ADGRL2: variants seen among roughly 807,000 people sequenced by gnomAD.
ADGRL2 encodes the protein adhesion G protein-coupled receptor L2.
Under a neutral mutation model 157.4 loss-of-function variants are expected in ADGRL2, and 44 were observed. The observed-to-expected ratio is 0.28, with a 90% CI of 0.22 to 0.36. The LOEUF is 0.36. Ranked by LOEUF, ADGRL2 falls within the 10% of genes least tolerant of loss-of-function variation. The pLI, the probability that ADGRL2 is intolerant of heterozygous loss-of-function variation, is 1.00. For synonymous variants in ADGRL2, 585 were observed against 624.7 expected (o/e 0.94, Z 0.95); for missense variants, 1,510 against 1,768.9 (o/e 0.85, Z 2.63).
At chr1:81,831,955 A>G (rs891026578) in intron 1 of ADGRL2, among the ~76,000 whole-genome samples, 7 of 151,766 alleles carry the variant, frequency 4.6e-5, no homozygotes, top group Non-Finnish European at 1.0e-4. Context: ...GAGTTATTTT[A>G]CCTCTCGGAG....
chr1:81,915,176 A>G (rs779430631), intron 3 of ADGRL2, among the ~76,000 whole-genome samples: 6 of 152,094 alleles, frequency 3.9e-5, no homozygotes, highest in Non-Finnish European at 8.8e-5. Context: ...CCCAGGCTCA[A>G]GTGATCCTCC....
intron 13 of ADGRL2, 102 bp from the exon 14 acceptor site, chr1:81,967,924 A>T: frequency 1.0e-6 from 1 of 970,318 alleles, no homozygotes; most frequent in African/African-American, 1.6e-5. Context: ...AGTCTGAAAC[A>T]TGCAAAGTTT....
chr1:81,778,791 T>C (rs2086699147), intron 2 of ADGRL2, among the ~76,000 whole-genome samples: 2 of 152,304 alleles, frequency 1.3e-5, no homozygotes, highest in Admixed American at 6.5e-5. Flanking sequence ...TTGGCAGCTA[T>C]ACCAGTCAAG....
chr1:81,878,792 C>G (rs1381628601), intron 2 of ADGRL2, among the ~76,000 whole-genome samples: 2 of 152,128 alleles, frequency 1.3e-5, no homozygotes, highest in Admixed American at 1.3e-4. Context: ...GAAATAAACA[C>G]AGTGTAATGG....
chr1:81,460,943 A>G (rs2077913962), intron 2 of ADGRL2, among the ~76,000 whole-genome samples: 1 of 152,224 alleles, frequency 6.6e-6, no homozygotes, highest in Non-Finnish European at 1.5e-5. Flanking sequence ...AAACAGCAGT[A>G]CTTATGCAGA....
chr1:81,706,193 G>A (rs914473988), intron 1 of ADGRL2, among the ~76,000 whole-genome samples: 11 of 151,230 alleles, frequency 7.3e-5, no homozygotes, highest in East Asian at 5.8e-4. Context: ...ACAAGACTCC[G>A]TTTCAAAAAA....
chr1:81,371,434 G>T (rs1026047603), intron 1 of ADGRL2, among the ~76,000 whole-genome samples: 2 of 152,162 alleles, frequency 1.3e-5, no homozygotes, highest in African/African-American at 2.4e-5. Context: ...ATGACATCTG[G>T]GTTTCCAAAA....
At chr1:81,765,756 T>C (rs1384355888) in intron 2 of ADGRL2, among the ~76,000 whole-genome samples, 1 of 152,072 alleles carries the variant, frequency 6.6e-6, no homozygotes, top group Non-Finnish European at 1.5e-5. Context: ...AAACATACTT[T>C]ATTTCTGAAA....
intron 1 of ADGRL2, among the ~76,000 whole-genome samples, chr1:81,834,489 C>T (rs1029247048): frequency 2.6e-5 from 4 of 151,998 alleles, no homozygotes; most frequent in East Asian, 1.9e-4. Context: ...ATTATTTATT[C>T]GTTCTATTCT....
chr1:81,903,546 T>C (rs1364244950), intron 2 of ADGRL2, among the ~76,000 whole-genome samples: 1 of 151,842 alleles, frequency 6.6e-6, no homozygotes, highest in Non-Finnish European at 1.5e-5. Flanking sequence ...CTCTGTAAAA[T>C]TGGTACTATA....
At chr1:81,941,160 C>T (rs1189165829) in intron 4 of ADGRL2, among the ~76,000 whole-genome samples, 1 of 125,836 alleles carries the variant, frequency 7.9e-6, no homozygotes, top group Non-Finnish European at 1.6e-5. Context: ...GCTTGCTTTT[C>T]CCTTGTATGT....
At chr1:81,714,567 AT>A (rs1297765927) in intron 1 of ADGRL2, among the ~76,000 whole-genome samples, 3 of 152,206 alleles carry the variant, frequency 2.0e-5, no homozygotes, top group Admixed American at 2.0e-4. Context: ...TTTTTGATAC[AT>A]TTTTATACAC....
At chr1:81,876,198 G>A (rs913967563) in intron 2 of ADGRL2, among the ~76,000 whole-genome samples, 2 of 152,096 alleles carry the variant, frequency 1.3e-5, no homozygotes, top group African/African-American at 2.4e-5. Context: ...AGTTTTTGAT[G>A]CCTTGTCAAA....
intron 1 of ADGRL2, among the ~76,000 whole-genome samples, chr1:81,750,403 C>G (rs2085451666): frequency 6.6e-6 from 1 of 152,104 alleles, no homozygotes; most frequent in African/African-American, 2.4e-5. Flanking sequence ...CATTGTCAGA[C>G]AAGTTGTTAC....
rs117308229 is a variant in ADGRL2 at position 81,850,466 on chromosome 1, A to G, written c.73+13409A>G. ...TTTTTCACTAAGTGAAACAAAATCTAAAAGGCATGGTGTGAAGTTCACAGA... is the reference window on the plus strand; with the variant it reads ...TTTTTCACTAAGTGAAACAAAATCTGAAAGGCATGGTGTGAAGTTCACAGA... On this transcript the variant is annotated intron_variant, in intron 2 of 23. Transcript: ENST00000686636. Among the ~76,000 whole-genome samples, 69 of 152,050 alleles carry G rather than the reference A, an allele frequency of 4.5e-4. No individual in the cohort carries two copies. The East Asian group carries it at 0.013, about 28-fold the overall frequency.
At position 81,536,976 on chromosome 1, in the gene ADGRL2, T is replaced by C. The variant is rs1169799174; in HGVS notation, c.-247-43900T>C. ...ATAAGGTTCTCAGTAGGCAATACTG[T>C]GTGAAGTAAGAATAAAATTATCCAA... On this transcript the variant is annotated intron_variant, in intron 2 of 24. Coordinates refer to the ADGRL2 transcript ENST00000370721. Among the ~76,000 whole-genome samples, 5 of 152,182 alleles carry C rather than the reference T, an allele frequency of 3.3e-5. No homozygotes were observed. In the East Asian group the frequency reaches 9.6e-4, roughly 29 times the overall value.
At chr1:81,504,303 C>T (rs960005711) in intron 2 of ADGRL2, among the ~76,000 whole-genome samples, 1 of 151,614 alleles carries the variant, frequency 6.6e-6, no homozygotes, top group African/African-American at 2.4e-5. Flanking sequence ...TCCTCCCCAG[C>T]CTTCTTCAGC....
chr1:81,420,042 A>G (rs1254747486), intron 1 of ADGRL2, among the ~76,000 whole-genome samples: 2 of 152,210 alleles, frequency 1.3e-5, no homozygotes, highest in Non-Finnish European at 2.9e-5. Context: ...GCAAATCCTA[A>G]TTTACAGATG....
intron 1 of ADGRL2, among the ~76,000 whole-genome samples, chr1:81,705,632 A>G (rs2149050849): frequency 6.6e-6 from 1 of 152,022 alleles, no homozygotes; most frequent in Non-Finnish European, 1.5e-5. Context: ...AAAAGAGGTG[A>G]AGGGCTGGGC....
Sources: allele counts gnomAD v4.1 joint callset (sites outside exome capture counted in the v4.1 genomes callset), GRCh38; gene constraint gnomAD v4.1.1; transcripts MANE v1.5; gene names NCBI Gene and HGNC (gene_info 2026-07-23, HGNC 2026-07-21).